The following UNC79 variants were observed in gnomAD, a reference collection of about 807,000 sequenced individuals.
UNC79 encodes the protein unc-79 subunit of NALCN channel complex, also known as protein unc-79 homolog.
In UNC79, 37 loss-of-function variants were observed where a neutral mutation model predicts 283.1. The ratio of observed to expected loss-of-function variants is 0.13; its 90% CI spans 0.10 to 0.17. UNC79 has a LOEUF of 0.17. Among genes scored for constraint, UNC79 ranks in the 10% least tolerant of loss-of-function variants. UNC79 has a pLI of 1.00. For missense variants in UNC79, 2,272 were observed against 3,211.1 expected, an observed-to-expected ratio of 0.71 and a Z score of 7.07; for synonymous variants, 1,107 against 1,200.2, an observed-to-expected ratio of 0.92 and a Z score of 1.61.
chr14:93,631,949 G>A (rs1596153653), intron 31 of UNC79, among the ~76,000 whole-genome samples: 1 of 152,180 alleles, frequency 6.6e-6, no homozygotes, highest in African/African-American at 2.4e-5. Flanking sequence ...CATGTGCCAG[G>A]CACTGTGCCA....
At chr14:93,372,350 G>T (rs961099181) in intron 1 of UNC79, among the ~76,000 whole-genome samples, 1 of 152,158 alleles carries the variant, frequency 6.6e-6, no homozygotes, top group Non-Finnish European at 1.5e-5. Context: ...GAATGTGAAT[G>T]ATTTAATACA....
intron 14 of UNC79, among the ~76,000 whole-genome samples, chr14:93,554,602 A>G (rs2062064542): frequency 6.6e-6 from 1 of 152,142 alleles, no homozygotes; most frequent in Admixed American, 6.5e-5. Flanking sequence ...CTGACACATG[A>G]GCCCAGATTC....
chr14:93,357,487 G>T (rs931291867), intron 1 of UNC79, among the ~76,000 whole-genome samples: 1 of 151,584 alleles, frequency 6.6e-6, no homozygotes, highest in African/African-American at 2.4e-5. Flanking sequence ...GCAGAAAAAC[G>T]TGAAAACACT....
At chr14:93,521,215 T>G (rs2060304811) in intron 7 of UNC79, among the ~76,000 whole-genome samples, 1 of 152,046 alleles carries the variant, frequency 6.6e-6, no homozygotes, top group Non-Finnish European at 1.5e-5. Flanking sequence ...TTCCCCCTAC[T>G]CTGACTGGTT....
chr14:93,604,641 A>G (rs895606432), intron 26 of UNC79, among the ~76,000 whole-genome samples: 4 of 152,250 alleles, frequency 2.6e-5, no homozygotes, highest in African/African-American at 9.6e-5. Flanking sequence ...TTTAGAATAT[A>G]AAGTATATTT....
chr14:93,396,435 T>C (rs1194073841), intron 1 of UNC79, among the ~76,000 whole-genome samples: 2 of 152,086 alleles, frequency 1.3e-5, no homozygotes, highest in Admixed American at 1.3e-4. Flanking sequence ...AGTCAGTTTC[T>C]GTTGATTGCT....
intron 7 of UNC79, among the ~76,000 whole-genome samples, chr14:93,501,995 A>G (rs2059314750): frequency 6.6e-6 from 1 of 152,252 alleles, no homozygotes; most frequent in South Asian, 2.1e-4. Context: ...TAGTTAACAT[A>G]GGAATATTTA....
At chr14:93,496,369 G>T in intron 5 of UNC79, 42 bp from the exon 6 acceptor site, 1 of 1,329,086 alleles carries the variant, frequency 7.5e-7, no homozygotes. Flanking sequence ...GTTTTGTCTG[G>T]TATTTACATT....
In UNC79 at chr14:93,690,459, G is replaced by A. The variant is rs2074594056; in HGVS notation, c.7272+156G>A. ...ACTTTGTGCTAATGTCTTATTTAAA[G>A]TTGTTTAGATTCCCAGACTGTCTTT... On this transcript the variant is annotated intron_variant, in intron 45 of 48. Coordinates refer to ENST00000555664, the Ensembl canonical transcript of UNC79. The surrounding 1 kb of genome is among the most constrained non-coding windows in gnomAD (Gnocchi z 4.3). 1.2e-6 allele frequency: 1 copy of A among 824,186 alleles called. No homozygotes were observed. The highest frequency in any genetic ancestry group is 3.4e-5 in the Admixed American group (1 of 29,388). 51.1% of individuals were successfully genotyped at this position (824,186 alleles called of 1,614,324 possible).
chr14:93,627,089 T>A (rs1045075480), intron 30 of UNC79, among the ~76,000 whole-genome samples: 1 of 152,212 alleles, frequency 6.6e-6, no homozygotes, highest in Non-Finnish European at 1.5e-5. Flanking sequence ...GAAGCTTTCA[T>A]TCCTACTATT....
chr14:93,618,193 A>G (rs1233943498), exon 29 of UNC79: 1 of 1,612,336 alleles, frequency 6.2e-7, no homozygotes, highest in Non-Finnish European at 8.5e-7. Context: ...ATTGGGCAGT[A>G]TCCATACCGA....
intron 1 of UNC79, among the ~76,000 whole-genome samples, chr14:93,352,641 G>A (rs1464930453): frequency 6.6e-6 from 1 of 152,174 alleles, no homozygotes; most frequent in Admixed American, 6.6e-5. Flanking sequence ...CTGAATTAAT[G>A]AATACTGAAC....
At chr14:93,420,112 C>G (rs963756383) in intron 1 of UNC79, among the ~76,000 whole-genome samples, 1 of 147,802 alleles carries the variant, frequency 6.8e-6, no homozygotes, top group Admixed American at 6.7e-5. Context: ...CCTTACTTAT[C>G]AATAATAACA....
chr14:93,664,799 T>A (rs1286375972), intron 40 of UNC79, among the ~76,000 whole-genome samples: 1 of 152,130 alleles, frequency 6.6e-6, no homozygotes, highest in Non-Finnish European at 1.5e-5. Context: ...TAGTAAGTAA[T>A]AACCTTGGAA....
intron 18 of UNC79, 103 bp from the exon 19 acceptor site, chr14:93,580,046 C>G: frequency 1.0e-6 from 1 of 999,830 alleles, no homozygotes; most frequent in South Asian, 1.7e-5. Context: ...AAAATCATCC[C>G]CAAGTAGTGT....
At chr14:93,395,349 C>G (rs2054972498) in intron 1 of UNC79, among the ~76,000 whole-genome samples, 1 of 152,150 alleles carries the variant, frequency 6.6e-6, no homozygotes. Context: ...TTAATTGACT[C>G]ACAGTTCCAT....
At chr14:93,707,011 C>A, downstream of UNC79, 2 of 1,324,512 alleles carry the variant, frequency 1.5e-6, no homozygotes, top group South Asian at 1.4e-5. Context: ...ACTGTACATT[C>A]TCTTTCTAGT....
chr14:93,363,814 G>A (rs892314344), intron 1 of UNC79, among the ~76,000 whole-genome samples: 2 of 152,014 alleles, frequency 1.3e-5, no homozygotes, highest in Non-Finnish European at 2.9e-5. Context: ...TGCCTCCCAG[G>A]TTCATGCCAT....
rs1447220614 is a variant in UNC79, at chr14:93,688,563, G to GGCGATAA, written c.6910-98_6910-92dup. The GGCGATAA allele has an allele frequency of 9.8e-6, 13 of 1,332,528 alleles. No homozygotes were observed. The African/African-American group carries it at 1.6e-4, about 16-fold the overall frequency. 82.5% of individuals were successfully genotyped at this position (1,332,528 alleles called of 1,614,324 possible). A position where few individuals can be genotyped will look rare whatever the true frequency, so the allele number is the denominator to read the frequency against. On this transcript the variant is annotated intron_variant, in intron 43 of 48. Coordinates refer to ENST00000555664, the Ensembl canonical transcript of UNC79. This position sits in a 1 kb window ranked among gnomAD's most constrained non-coding sequence, Gnocchi z 4.0. ...TTTAAGCAGGTTGTTTGCTCAGAGT[G>GGCGATAA]GCGATAAGCGGGGTGGAAATGACAA...
Sources: gnomAD v4.1 joint callset for allele counts (sites outside exome capture counted in the v4.1 genomes callset) on GRCh38, gnomAD v4.1.1 for gene constraint, Gnocchi (gnomAD v3.1) non-coding constraint, MANE v1.5 for transcripts, NCBI Gene and HGNC (gene_info 2026-07-23, HGNC 2026-07-21) for gene names.